The following ANK3 variants were observed in gnomAD, a reference collection of about 807,000 sequenced individuals.
ANK3 encodes the protein ankyrin 3, also known as ankyrin-3.
Under a neutral mutation model 370.9 loss-of-function variants are expected in ANK3, and 57 were observed. The observed-to-expected ratio is 0.15, with a 90% CI of 0.12 to 0.19. ANK3 has a LOEUF of 0.19. Ranked by LOEUF, ANK3 falls within the 10% of genes least tolerant of loss-of-function variation. ANK3 has a pLI of 1.00. For missense variants in ANK3, 4,439 were observed against 5,302.1 expected, an observed-to-expected ratio of 0.84 and a Z score of 5.06; for synonymous variants, 1,929 against 1,946.3, an observed-to-expected ratio of 0.99 and a Z score of 0.23.
chr10:60,670,819 G>T (rs1223049400), intron 1 of ANK3, among the ~76,000 whole-genome samples: 7 of 152,218 alleles, frequency 4.6e-5, no homozygotes, highest in African/African-American at 1.7e-4. Context: ...GACTCCAAGT[G>T]GGAGTGTTGT....
At chr10:60,197,021 T>C (rs1288211163) in intron 14 of ANK3, among the ~76,000 whole-genome samples, 1 of 152,046 alleles carries the variant, frequency 6.6e-6, no homozygotes, top group African/African-American at 2.4e-5. Flanking sequence ...AGTTATAGGG[T>C]CCCAGACTCA....
At position 60,493,666 on chromosome 10, in the gene ANK3, A is replaced by G. The variant is rs539865234; in HGVS notation, c.96+121520T>C. On this transcript the variant is annotated intron_variant, in intron 2 of 43. Transcript: ENST00000373827. ...AGAAATTGTGTGTTCCCACATCTCT[A>G]TATAGCCAACCCCAAAAAATGGGTT... 1.7e-3 allele frequency among the ~76,000 whole-genome samples: 255 copies of G among 152,220 alleles called. 1 individual carries two copies. Among genetic ancestry groups the G allele is most frequent in the African/African-American group, 5.9e-3 (245 of 41,550 alleles).
At chr10:60,263,132 T>C (rs2097833147) in intron 6 of ANK3, among the ~76,000 whole-genome samples, 2 of 152,204 alleles carry the variant, frequency 1.3e-5, no homozygotes, top group African/African-American at 4.8e-5. Flanking sequence ...ATACCTCTGT[T>C]GTTCTATTCA....
chr10:60,379,602 A>T (rs920501765), intron 1 of ANK3, among the ~76,000 whole-genome samples: 49 of 152,126 alleles, frequency 3.2e-4, no homozygotes, highest in Non-Finnish European at 2.2e-4. Flanking sequence ...ATGTTAAGTG[A>T]AATAAGCCAG....
At chr10:60,409,850 C>T (rs565366947) in intron 2 of ANK3, among the ~76,000 whole-genome samples, 21 of 152,288 alleles carry the variant, frequency 1.4e-4, no homozygotes, top group African/African-American at 3.4e-4. Context: ...GTGCCTCCCA[C>T]GAGTCTACCA....
At chr10:60,687,533 A>ACACACACACACACAC (rs375712984) in intron 1 of ANK3, among the ~76,000 whole-genome samples, 3 of 68,596 alleles carry the variant, frequency 4.4e-5, no homozygotes, top group African/African-American at 1.4e-4. Flanking sequence ...GGTATAAAAA[A>ACACACACACACACAC]AAACACACAC....
At chr10:60,426,134 T>C (rs1392486538) in intron 2 of ANK3, among the ~76,000 whole-genome samples, 1 of 152,096 alleles carries the variant, frequency 6.6e-6, no homozygotes, top group Non-Finnish European at 1.5e-5. Flanking sequence ...TTCAGTTGAT[T>C]TGTATTTTCA....
At chr10:60,334,399 C>T (rs553214551) in intron 1 of ANK3, among the ~76,000 whole-genome samples, 1 of 152,312 alleles carries the variant, frequency 6.6e-6, no homozygotes, top group African/African-American at 2.4e-5. Context: ...AAAATATTTA[C>T]TACCGTGGTT....
chr10:60,395,578 T>TTCTC (rs2063209155), intron 2 of ANK3, among the ~76,000 whole-genome samples: 1 of 125,748 alleles, frequency 8.0e-6, no homozygotes, highest in African/African-American at 3.2e-5. Flanking sequence ...CTTTCTTTCT[T>TTCTC]TCTTTCTTTC....
In ANK3 at chr10:60,166,621, C is replaced by T. The variant is rs767992037; in HGVS notation, c.2584G>A (p.Asp862Asn). 6.2e-7 allele frequency: 1 copy of T among 1,613,832 alleles called. No homozygotes were observed. The highest frequency in any genetic ancestry group is 8.5e-7 in the Non-Finnish European group (1 of 1,179,862). Reference sequence around the variant, plus strand: ...TCAACATCTGAGATATATTCGCCATCACTGAGCATTTCAGGGGCATTGGCT... The same window carrying T: ...TCAACATCTGAGATATATTCGCCATTACTGAGCATTTCAGGGGCATTGGCT... ...RKANAPEMLSDGEYISDVEEG... is the reference protein window; with the variant it reads ...RKANAPEMLSNGEYISDVEEG... Residue 862 changes from aspartate to asparagine, a missense_variant, in exon 23 of 44, where the codon GAT (aspartate) becomes AAT (asparagine). By Grantham distance (23) the Asp-to-Asn change is conservative. Around this residue, in one of 13 missense-constraint regions of ANK3, gnomAD observed 702 missense variants for 941.5 expected, o/e 0.75. Transcript: ENST00000280772.
At chr10:60,311,572 C>T (rs1227152995) in intron 1 of ANK3, among the ~76,000 whole-genome samples, 1 of 151,808 alleles carries the variant, frequency 6.6e-6, no homozygotes, top group Admixed American at 6.6e-5. Context: ...AAGAATACTT[C>T]CCTGTTTTCT....
chr10:60,404,769 G>C (rs1268253354), intron 2 of ANK3, among the ~76,000 whole-genome samples: 1 of 152,064 alleles, frequency 6.6e-6, no homozygotes. Flanking sequence ...CCACTGTTAA[G>C]AAAATGAATA....
intron 43 of ANK3, among the ~76,000 whole-genome samples, chr10:60,041,125 T>C (rs2076015463): frequency 2.0e-5 from 3 of 152,254 alleles, no homozygotes; most frequent in African/African-American, 7.2e-5. Context: ...CCAAGCTAGC[T>C]TCTGCAATAG....
At chr10:60,475,475 C>T (rs12241244) in intron 2 of ANK3, among the ~76,000 whole-genome samples, 68 of 152,232 alleles carry the variant, frequency 4.5e-4, no homozygotes, top group East Asian at 1.5e-3. Flanking sequence ...TATTTCAGAG[C>T]GGACAATAGA....
intron 2 of ANK3, among the ~76,000 whole-genome samples, chr10:60,470,539 T>G (rs2065191583): frequency 6.6e-6 from 1 of 152,160 alleles, no homozygotes; most frequent in Non-Finnish European, 1.5e-5. Flanking sequence ...CAGAATTCGT[T>G]GACTTGAGTA....
chr10:60,146,015 CT>C, intron 23 of ANK3: 1 of 1,299,944 alleles, frequency 7.7e-7, no homozygotes, highest in Non-Finnish European at 1.1e-6. Context: ...CCATGTGCAT[CT>C]ATTACCTATT....
chr10:60,144,483 C>G (rs371771554), intron 23 of ANK3, among the ~76,000 whole-genome samples: 2 of 152,170 alleles, frequency 1.3e-5, no homozygotes, highest in African/African-American at 4.8e-5. Context: ...TCAGAGCCTA[C>G]AAAATATTTA....
At chr10:60,429,317 TAAGA>T (rs2063961230) in intron 2 of ANK3, among the ~76,000 whole-genome samples, 1 of 151,286 alleles carries the variant, frequency 6.6e-6, no homozygotes, top group Non-Finnish European at 1.5e-5. Flanking sequence ...TAGGAGAAAG[TAAGA>T]AAGAAAGGAA....
At chr10:60,375,201 A>T (rs544833132) in intron 1 of ANK3, among the ~76,000 whole-genome samples, 2 of 152,342 alleles carry the variant, frequency 1.3e-5, no homozygotes, top group South Asian at 4.1e-4. Context: ...CTAGTACATT[A>T]CAAGTAATCA....
Sources: gnomAD v4.1 joint callset for allele counts (sites outside exome capture counted in the v4.1 genomes callset) on GRCh38, gnomAD v4.1.1 for gene constraint, gnomAD v4.1.1 regional missense constraint, MANE v1.5 for transcripts, NCBI Gene and HGNC (gene_info 2026-07-23, HGNC 2026-07-21) for gene names.